Variants in COL27A1 observed in about 807,000 individuals in gnomAD.
COL27A1 encodes the protein collagen type XXVII alpha 1 chain, also known as collagen alpha-1(XXVII) chain.
A neutral mutation model predicts 251.3 loss-of-function variants in COL27A1; 106 were observed. The ratio of observed to expected loss-of-function variants is 0.42; its 90% confidence interval spans 0.36 to 0.50. The LOEUF (loss-of-function observed/expected upper bound fraction) is 0.50. COL27A1 is among the 20% of genes least tolerant of loss of function. COL27A1 has a pLI of 0.00. For missense variants in COL27A1, 2,325 were observed against 2,522.8 expected (o/e 0.92, Z 1.68); for synonymous variants, 1,000 against 986.3 (o/e 1.01, Z -0.26).
intron 40 of COL27A1, among the ~76,000 whole-genome samples, chr9:114,284,346 G>C (rs145837394): frequency 6.6e-6 from 1 of 152,240 alleles, no homozygotes; most frequent in South Asian, 2.1e-4. Context: ...GGGGTGTTGC[G>C]AGGAGCCCAC....
intron 7 of COL27A1, among the ~76,000 whole-genome samples, chr9:114,200,464 G>A (rs148285888): frequency 7.2e-5 from 11 of 152,290 alleles, no homozygotes; most frequent in Non-Finnish European, 4.4e-5. Context: ...ACAAGGTCTT[G>A]GTCATTGCTG....
intron 12 of COL27A1, chr9:114,217,849 C>G (rs888702191): frequency 2.1e-6 from 1 of 469,992 alleles, no homozygotes; most frequent in Admixed American, 2.3e-5. Flanking sequence ...CGCCATGGCT[C>G]ACACCTGTAA....
Position 114,205,090 on chromosome 9 carries a change from C to T in COL27A1, c.2125-12C>T, listed in dbSNP as rs1829855162. On this transcript the variant is annotated splice_polypyrimidine_tract_variant and intron_variant, in intron 7 of 60. Coordinates refer to ENST00000356083, the MANE Select transcript of COL27A1 (RefSeq NM_032888.4). Reference sequence around the variant, plus strand: ...CCTCCCTGCCTGATGCAGCTTCTTCCCCCTCCAACAGGGACACAAGGGCTA... The same window carrying T: ...CCTCCCTGCCTGATGCAGCTTCTTCTCCCTCCAACAGGGACACAAGGGCTA... 6.2e-7 allele frequency: 1 copy of T among 1,613,368 alleles called. No individual in the cohort carries two copies. The highest frequency in any genetic ancestry group is 1.3e-5 in the African/African-American group (1 of 74,932).
chr9:114,265,909 C>T (rs940313524), intron 32 of COL27A1, among the ~76,000 whole-genome samples: 1 of 152,126 alleles, frequency 6.6e-6, no homozygotes, highest in Non-Finnish European at 1.5e-5. Flanking sequence ...CCCAAGGCCA[C>T]GGGGACACTG....
At chr9:114,242,805 T>C (rs1488227947) in intron 22 of COL27A1, among the ~76,000 whole-genome samples, 1 of 152,252 alleles carries the variant, frequency 6.6e-6, no homozygotes, top group Non-Finnish European at 1.5e-5. Flanking sequence ...TATTTATTCA[T>C]TCATTGAAGA....
chr9:114,231,615 G>A (rs895535498), intron 15 of COL27A1, among the ~76,000 whole-genome samples: 1 of 152,216 alleles, frequency 6.6e-6, no homozygotes, highest in East Asian at 1.9e-4. Context: ...TTTGCCTGCA[G>A]TGCTGTGGTG....
chr9:114,244,613 G>T (rs1832986745), intron 23 of COL27A1, among the ~76,000 whole-genome samples: 1 of 152,200 alleles, frequency 6.6e-6, no homozygotes, highest in African/African-American at 2.4e-5. Context: ...TCCCTTCTGG[G>T]GAAATGGCCC....
chr9:114,183,252 GAC>G (rs1175421252), intron 5 of COL27A1, among the ~76,000 whole-genome samples, 177 bp downstream of exon 5: 1 of 152,252 alleles, frequency 6.6e-6, no homozygotes, highest in Non-Finnish European at 1.5e-5. Flanking sequence ...CTGGTCCGGA[GAC>G]ACAGTGCTTC....
At chr9:114,248,294 C>A (rs1017551879) in intron 24 of COL27A1, among the ~76,000 whole-genome samples, 6 of 152,214 alleles carry the variant, frequency 3.9e-5, no homozygotes, top group Non-Finnish European at 7.3e-5. Flanking sequence ...GGGGCAGCCA[C>A]GCATATAAAC....
intron 14 of COL27A1, among the ~76,000 whole-genome samples, chr9:114,224,541 C>G (rs1831334743): frequency 6.6e-6 from 1 of 152,044 alleles, no homozygotes; most frequent in Admixed American, 6.6e-5. Flanking sequence ...TATTTGTCAT[C>G]ATCCCAGCGT....
intron 16 of COL27A1, among the ~76,000 whole-genome samples, chr9:114,234,248 C>CCAAATA (rs1564502672): frequency 6.9e-6 from 1 of 145,730 alleles, no homozygotes; most frequent in Non-Finnish European, 1.5e-5. Flanking sequence ...CTGTGGTTCC[C>CCAAATA]CAAATACCAG....
At chr9:114,267,482 G>A (rs955978883) in intron 33 of COL27A1, 22 bp from the exon 34 acceptor site, 2 of 1,597,998 alleles carry the variant, frequency 1.3e-6, no homozygotes, top group Non-Finnish European at 1.7e-6. Flanking sequence ...CTCTAGGAGG[G>A]ACCAATGGCG....
At chr9:114,265,581 C>G in intron 32 of COL27A1, 106 bp downstream of exon 32, 1 of 1,111,982 alleles carries the variant, frequency 9.0e-7, no homozygotes, top group Non-Finnish European at 1.3e-6. Context: ...CATGCCTGGC[C>G]TCTAACCCGC....
intron 2 of COL27A1, among the ~76,000 whole-genome samples, chr9:114,165,812 C>T (rs1272701217): frequency 6.8e-6 from 1 of 147,768 alleles, no homozygotes; most frequent in Non-Finnish European, 1.5e-5. Flanking sequence ...TCCATCCAGC[C>T]AGCCAGGCAT....
In COL27A1 at chr9:114,303,983, G is replaced by A. The variant is rs575464767; in HGVS notation, c.4873-625G>A. On this transcript the variant is annotated intron_variant, in intron 56 of 60. Transcript: ENST00000356083. ...TAGGGCAGGTTTTCTGAGACACAGT[G>A]CAACTGACATTTGCATAATTCTTTG... Among the ~76,000 whole-genome samples the A allele has an allele frequency of 2.0e-5, 3 of 152,332 alleles. No homozygotes were observed. The South Asian group carries it at 6.2e-4, about 32-fold the overall frequency.
intron 23 of COL27A1, among the ~76,000 whole-genome samples, chr9:114,245,064 G>T (rs932475321): frequency 1.3e-5 from 2 of 151,940 alleles, no homozygotes; most frequent in Admixed American, 6.6e-5. Flanking sequence ...GTGTGTTGAG[G>T]TCTAGGACCC....
At chr9:114,211,178 C>G (rs1376488243) in intron 12 of COL27A1, 152 bp downstream of exon 12, 2 of 808,588 alleles carry the variant, frequency 2.5e-6, no homozygotes, top group Non-Finnish European at 4.1e-6. Flanking sequence ...GCCACAGGAC[C>G]TGCTGCTGGC....
chr9:114,240,244 C>G lies in COL27A1; in HGVS notation c.2752C>G (p.Pro918Ala), dbSNP rs1224456620. The change falls in exon 20 of 61, where the codon CCT becomes GCT. Residue 918 changes from proline (P) to alanine (A), a missense_variant. Coordinates refer to ENST00000356083, the MANE Select transcript of COL27A1 (RefSeq NM_032888.4). The stretch of plus-strand genomic sequence containing the variant: ...GGGATTCCCAGGAGACATCGGCCCC[C>G]CTGGCGACAATGGCCCAGAAGGCAT... ...PEGFPGDIGP[P>A]GDNGPEGMKG... 3 of 1,608,134 alleles carry G rather than the reference C, an allele frequency of 1.9e-6. No individual in the cohort carries two copies. The highest frequency in any genetic ancestry group is 2.2e-5 in the South Asian group (2 of 90,078).
intron 17 of COL27A1, 80 bp from the exon 18 acceptor site, chr9:114,236,901 A>T (rs1422538406): frequency 2.2e-5 from 30 of 1,339,090 alleles, no homozygotes; most frequent in Non-Finnish European, 2.1e-6. Flanking sequence ...TGGGCCTGGG[A>T]CCAGCAGGAG....
Sources: gnomAD v4.1 joint callset for allele counts (sites outside exome capture counted in the v4.1 genomes callset) on GRCh38, gnomAD v4.1.1 for gene constraint, MANE v1.5 for transcripts, NCBI Gene and HGNC (gene_info 2026-07-23, HGNC 2026-07-21) for gene names.